Variants in NALF1 observed in about 807,000 individuals in gnomAD.
The protein encoded by NALF1 is NALCN channel auxiliary factor 1.
A neutral mutation model predicts 48.4 loss-of-function variants in NALF1; 3 were observed. That is an observed-to-expected ratio of 0.06 (90% CI 0.03 to 0.16). NALF1 has a LOEUF of 0.16. Among genes scored for constraint, NALF1 ranks in the 10% least tolerant of loss-of-function variants. The pLI, the probability that NALF1 is intolerant of heterozygous loss-of-function variation, is 1.00. For missense variants in NALF1, 526 were observed against 571.5 expected, an observed-to-expected ratio of 0.92 and a Z score of 0.81; for synonymous variants, 262 against 245.7, an observed-to-expected ratio of 1.07 and a Z score of -0.62.
At chr13:107,253,854 C>CCT (rs1271107633) in intron 1 of NALF1, among the ~76,000 whole-genome samples, 2 of 152,094 alleles carry the variant, frequency 1.3e-5, no homozygotes, top group East Asian at 3.9e-4. Context: ...GAGGGCCTTT[C>CCT]CTCTCAACAC....
chr13:107,648,364 A>G (rs1880365190), intron 1 of NALF1, among the ~76,000 whole-genome samples: 1 of 152,132 alleles, frequency 6.6e-6, no homozygotes, highest in Admixed American at 6.6e-5. Flanking sequence ...CAAATCCACG[A>G]TAACCACTGA....
intron 1 of NALF1, among the ~76,000 whole-genome samples, chr13:107,403,743 T>C (rs1168262159): frequency 1.3e-5 from 2 of 151,946 alleles, no homozygotes; most frequent in Non-Finnish European, 2.9e-5. Context: ...CTCACCTTTT[T>C]TAGAAACATA....
intron 1 of NALF1, among the ~76,000 whole-genome samples, chr13:107,744,136 A>T (rs1268866585): frequency 6.6e-6 from 1 of 152,234 alleles, no homozygotes; most frequent in Admixed American, 6.5e-5. Context: ...AATCCAGCAC[A>T]GAAAGTACAG....
At chr13:107,555,891 A>G (rs1338706365) in intron 1 of NALF1, among the ~76,000 whole-genome samples, 2 of 152,150 alleles carry the variant, frequency 1.3e-5, no homozygotes, top group Non-Finnish European at 2.9e-5. Flanking sequence ...AGCAAAAAAG[A>G]TAATATTTTG....
intron 1 of NALF1, among the ~76,000 whole-genome samples, chr13:107,537,263 T>A (rs1047339227): frequency 3.0e-4 from 45 of 152,196 alleles, no homozygotes; most frequent in African/African-American, 1.0e-3. Flanking sequence ...GAGTGTTTCA[T>A]ATGCACTTTC....
intron 1 of NALF1, among the ~76,000 whole-genome samples, chr13:107,650,533 G>A (rs549182625): frequency 1.3e-5 from 2 of 151,994 alleles, no homozygotes; most frequent in African/African-American, 4.8e-5. Context: ...GCTAAGTTAG[G>A]AGGACACAAA....
chr13:107,232,042 G>C (rs886359454), intron 1 of NALF1, among the ~76,000 whole-genome samples: 1 of 152,184 alleles, frequency 6.6e-6, no homozygotes, highest in Non-Finnish European at 1.5e-5. Flanking sequence ...AGCAAGCCTT[G>C]ATCAAGCACT....
At chr13:107,622,018 A>G (rs1327208703) in intron 1 of NALF1, among the ~76,000 whole-genome samples, 2 of 151,476 alleles carry the variant, frequency 1.3e-5, no homozygotes, top group Non-Finnish European at 2.9e-5. Flanking sequence ...TTTGAAACTG[A>G]GTCTCACTCT....
In NALF1 at chr13:107,566,235, G is replaced by C. The variant is rs558203548; in HGVS notation, c.915+299447C>G. Reference sequence around the variant, plus strand: ...TTACAGGCAAGGAGGGGTTTTATGGGAGGCTTGAGCAAAGTACATTATTTG... The same window carrying C: ...TTACAGGCAAGGAGGGGTTTTATGGCAGGCTTGAGCAAAGTACATTATTTG... On this transcript the variant is annotated intron_variant, in intron 1 of 2. Transcript: ENST00000375915. Among the ~76,000 whole-genome samples, 3 of 152,264 alleles carry C rather than the reference G, an allele frequency of 2.0e-5. No homozygotes were observed. In the South Asian group the frequency reaches 6.2e-4, roughly 32 times the overall value.
chr13:107,614,879 T>C (rs542730078), intron 1 of NALF1, among the ~76,000 whole-genome samples: 1 of 151,950 alleles, frequency 6.6e-6, no homozygotes, highest in Non-Finnish European at 1.5e-5. Context: ...TCGGTTCAAG[T>C]GATTCTCCTG....
chr13:107,518,146 T>C (rs1162338466), intron 1 of NALF1, among the ~76,000 whole-genome samples: 2 of 152,324 alleles, frequency 1.3e-5, no homozygotes, highest in East Asian at 3.9e-4. Context: ...GTAGTTTAAT[T>C]TCTTTTTCCT....
intron 1 of NALF1, among the ~76,000 whole-genome samples, chr13:107,552,332 A>G (rs1877316933): frequency 6.6e-6 from 1 of 152,176 alleles, no homozygotes; most frequent in African/African-American, 2.4e-5. Flanking sequence ...CAATAAATAT[A>G]CCTCATGGTT....
intron 1 of NALF1, among the ~76,000 whole-genome samples, chr13:107,676,733 C>G (rs1273313560): frequency 6.6e-6 from 1 of 151,744 alleles, no homozygotes; most frequent in Admixed American, 6.6e-5. Context: ...CATGTATATA[C>G]CCCACATTTG....
chr13:107,864,628 C>T, intron 1 of NALF1, among the ~76,000 whole-genome samples: 1 of 152,166 alleles, frequency 6.6e-6, no homozygotes, highest in East Asian at 1.9e-4. Flanking sequence ...ACCCTTGGAA[C>T]AAAACATTAA....
chr13:107,452,271 A>G (rs187308156), intron 1 of NALF1, among the ~76,000 whole-genome samples: 1 of 152,294 alleles, frequency 6.6e-6, no homozygotes, highest in African/African-American at 2.4e-5. Context: ...CCATTTTCAT[A>G]CTGCTATAAA....
At chr13:107,454,303 AAG>A (rs1460765366) in intron 1 of NALF1, among the ~76,000 whole-genome samples, 1 of 152,230 alleles carries the variant, frequency 6.6e-6, no homozygotes, top group African/African-American at 2.4e-5. Context: ...TCATAAAAGA[AAG>A]AGGTTTAATT....
intron 2 of NALF1, among the ~76,000 whole-genome samples, chr13:107,179,629 T>C (rs1031053817): frequency 3.3e-5 from 5 of 149,640 alleles, no homozygotes; most frequent in Non-Finnish European, 7.4e-5. Context: ...AATAATGTTA[T>C]ACCTATTATG....
At chr13:107,235,417 A>G in intron 1 of NALF1, among the ~76,000 whole-genome samples, 1 of 152,078 alleles carries the variant, frequency 6.6e-6, no homozygotes, top group Non-Finnish European at 1.5e-5. Context: ...TACACAGGGG[A>G]TCAGTTTCAG....
chr13:107,387,397 C>T (rs943102920), intron 1 of NALF1, among the ~76,000 whole-genome samples: 1 of 152,170 alleles, frequency 6.6e-6, no homozygotes, highest in African/African-American at 2.4e-5. Flanking sequence ...AAAGCCGAAG[C>T]CTCCCAAATA....
Sources: allele counts gnomAD v4.1 joint callset (sites outside exome capture counted in the v4.1 genomes callset), GRCh38; gene constraint gnomAD v4.1.1; transcripts MANE v1.5; gene names NCBI Gene and HGNC (gene_info 2026-07-23, HGNC 2026-07-21).